CTNNA3: variants seen among roughly 807,000 people sequenced by gnomAD.
The protein encoded by CTNNA3 is catenin alpha-3.
Under a neutral mutation model 95.7 loss-of-function variants are expected in CTNNA3, and 76 were observed. That is an observed-to-expected ratio of 0.79 (90% CI 0.66 to 0.96). The LOEUF (loss-of-function observed/expected upper bound fraction) is 0.96. Ranked by LOEUF, CTNNA3 falls within the 40% of genes least tolerant of loss-of-function variation. CTNNA3 has a pLI of 0.00. For missense variants in CTNNA3, 1,191 were observed against 1,089.8 expected (o/e 1.09, Z -1.31); for synonymous variants, 431 against 374.4 (o/e 1.15, Z -1.74).
At chr10:66,087,994 C>G (rs1223390194) in intron 14 of CTNNA3, among the ~76,000 whole-genome samples, 1 of 151,940 alleles carries the variant, frequency 6.6e-6, no homozygotes, top group African/African-American at 2.4e-5. Context: ...TATATACTTT[C>G]TATTAATGTA....
At chr10:65,938,979 T>C (rs187793285) in intron 17 of CTNNA3, among the ~76,000 whole-genome samples, 8 of 152,068 alleles carry the variant, frequency 5.3e-5, no homozygotes, top group Non-Finnish European at 1.2e-4. Context: ...CTCGGCTCAC[T>C]GCAAGCTCCG....
At chr10:67,029,442 G>A (rs980455676) in intron 7 of CTNNA3, among the ~76,000 whole-genome samples, 1 of 152,132 alleles carries the variant, frequency 6.6e-6, no homozygotes, top group African/African-American at 2.4e-5. Context: ...GCATGGTTGA[G>A]GGTTGGTTTA....
rs531651734 is a variant in CTNNA3 at position 66,049,257 on chromosome 10, G to C, written c.2159+20051C>G. On this transcript the variant is annotated intron_variant, in intron 15 of 17. Transcript: ENST00000433211. ...ATGAGATACAATCTCATACCAGTTAGAATAGCTATTATTAAAAAGTCAAAA... is the reference window on the plus strand; with the variant it reads ...ATGAGATACAATCTCATACCAGTTACAATAGCTATTATTAAAAAGTCAAAA... 2.0e-5 allele frequency among the ~76,000 whole-genome samples: 3 copies of C among 152,288 alleles called. 1 individual carries two copies. The South Asian group carries it at 6.2e-4, about 32-fold the overall frequency.
intron 2 of CTNNA3, among the ~76,000 whole-genome samples, chr10:67,630,051 A>G (rs1374620768): frequency 2.0e-5 from 3 of 152,178 alleles, no homozygotes; most frequent in African/African-American, 7.2e-5. Context: ...AGCACGTCAC[A>G]GGGTTCTTGC....
intron 1 of CTNNA3, among the ~76,000 whole-genome samples, chr10:67,669,622 T>C (rs2133547199): frequency 6.6e-6 from 1 of 152,330 alleles, no homozygotes; most frequent in East Asian, 1.9e-4. Flanking sequence ...AGTAATTACT[T>C]ATAAAATTAC....
At chr10:67,657,605 A>G (rs6480286) in intron 1 of CTNNA3, among the ~76,000 whole-genome samples, 38,690 of 151,850 alleles carry the variant, frequency 0.25, 8,333 homozygotes, top group African/African-American at 0.57. Flanking sequence ...CAGCACTTTG[A>G]GAGGCCAAGG....
intron 15 of CTNNA3, among the ~76,000 whole-genome samples, chr10:66,022,426 T>C (rs2079237820): frequency 6.6e-6 from 1 of 152,204 alleles, no homozygotes; most frequent in African/African-American, 2.4e-5. Context: ...CATGATTCTC[T>C]TTAAATTCTT....
At chr10:66,264,020 T>C (rs1564824523) in intron 13 of CTNNA3, among the ~76,000 whole-genome samples, 1 of 152,010 alleles carries the variant, frequency 6.6e-6, no homozygotes, top group Non-Finnish European at 1.5e-5. Context: ...TGTTTGCTTC[T>C]ATATCATATT....
chr10:66,461,685 GTATATA>G (rs141247399), intron 11 of CTNNA3, among the ~76,000 whole-genome samples: 1 of 140,142 alleles, frequency 7.1e-6, no homozygotes, highest in Non-Finnish European at 1.5e-5. Context: ...ATATATATAT[GTATATA>G]TATATATATA....
In CTNNA3 at chr10:67,058,360, T is replaced by C. The variant is rs538982419; in HGVS notation, c.1047+121957A>G. Among the ~76,000 whole-genome samples, 3 of 152,342 alleles carry C rather than the reference T, an allele frequency of 2.0e-5. No homozygotes were observed. The East Asian group carries it at 5.8e-4, about 29-fold the overall frequency. On this transcript the variant is annotated intron_variant, in intron 7 of 17. Transcript: ENST00000433211. ...ATATTGTTTTATGTATTACATTGGT[T>C]TCAAGAGAAATTTTATAATTCTTAT...
intron 17 of CTNNA3, among the ~76,000 whole-genome samples, chr10:65,963,141 T>C (rs917453278): frequency 1.3e-5 from 2 of 152,200 alleles, no homozygotes; most frequent in East Asian, 3.8e-4. Flanking sequence ...ACTATTGCCA[T>C]CTCAAACTAA....
Position 66,713,527 on chromosome 10 carries a change from C to T in CTNNA3, c.1281+52737G>A, listed in dbSNP as rs1360091310. Among the ~76,000 whole-genome samples, 3 of 151,942 alleles carry T rather than the reference C, an allele frequency of 2.0e-5. No homozygotes were observed. In the South Asian group the frequency reaches 6.2e-4, roughly 31 times the overall value. Reference sequence around the variant, plus strand: ...GTCACCTAGAGTTGGAAGCTCAATTCACAGTGTTGGGTTGCTGGTTCCCTA... The same window carrying T: ...GTCACCTAGAGTTGGAAGCTCAATTTACAGTGTTGGGTTGCTGGTTCCCTA... On this transcript the variant is annotated intron_variant, in intron 9 of 17. Transcript: ENST00000433211.
At chr10:67,529,062 A>G (rs1384742920) in intron 4 of CTNNA3, among the ~76,000 whole-genome samples, 1 of 152,182 alleles carries the variant, frequency 6.6e-6, no homozygotes, top group Non-Finnish European at 1.5e-5. Context: ...GGTAATGCAT[A>G]TATATTAAGT....
intron 12 of CTNNA3, among the ~76,000 whole-genome samples, chr10:66,343,707 T>C (rs920719486): frequency 6.6e-6 from 1 of 151,966 alleles, no homozygotes; most frequent in African/African-American, 2.4e-5. Context: ...TAGTTTCAAA[T>C]AGCTAGAAGT....
intron 6 of CTNNA3, among the ~76,000 whole-genome samples, chr10:67,214,060 C>T (rs74142431): frequency 0.043 from 6,564 of 151,716 alleles, 183 homozygotes; most frequent in South Asian, 0.088. Context: ...AGCTAGATTT[C>T]GTTTTATATT....
chr10:66,259,415 G>T (rs2090913296), intron 13 of CTNNA3, among the ~76,000 whole-genome samples: 1 of 152,002 alleles, frequency 6.6e-6, no homozygotes, highest in Admixed American at 6.6e-5. Context: ...GAACACAAAG[G>T]GTCAAAGATT....
At chr10:67,045,674 G>A (rs1050732355) in intron 7 of CTNNA3, among the ~76,000 whole-genome samples, 5 of 152,154 alleles carry the variant, frequency 3.3e-5, no homozygotes, top group Admixed American at 1.3e-4. Flanking sequence ...TAGTCCTGGC[G>A]CGGGATGGGG....
intron 1 of CTNNA3, among the ~76,000 whole-genome samples, chr10:67,679,907 T>G (rs941007953): frequency 1.3e-5 from 2 of 152,200 alleles, no homozygotes; most frequent in African/African-American, 2.4e-5. Flanking sequence ...AACAAAGATG[T>G]ATATCACAAA....
At chr10:66,159,932 T>C (rs1169278290) in intron 13 of CTNNA3, among the ~76,000 whole-genome samples, 1 of 151,996 alleles carries the variant, frequency 6.6e-6, no homozygotes, top group Non-Finnish European at 1.5e-5. Context: ...ATGAATATAT[T>C]CATCTCTTCT....
Sources: gnomAD v4.1 joint callset for allele counts (sites outside exome capture counted in the v4.1 genomes callset) on GRCh38, gnomAD v4.1.1 for gene constraint, MANE v1.5 for transcripts, NCBI Gene and HGNC (gene_info 2026-07-23, HGNC 2026-07-21) for gene names.